ROBO2: variants seen among roughly 807,000 people sequenced by gnomAD.
ROBO2 encodes roundabout homolog 2.
In ROBO2, 53 loss-of-function variants were observed where a neutral mutation model predicts 160.8. The observed-to-expected ratio is 0.33, with a 90% CI of 0.26 to 0.41. The LOEUF (loss-of-function observed/expected upper bound fraction) is 0.41, where lower values mean the gene tolerates loss of function less well. Ranked by LOEUF, ROBO2 falls within the 10% of genes least tolerant of loss-of-function variation. ROBO2 has a pLI of 1.00. For missense variants in ROBO2, 1,577 were observed against 1,722.4 expected (o/e 0.92, Z 1.49); for synonymous variants, 664 against 611.7 (o/e 1.09, Z -1.26).
At chr3:76,042,324 G>C (rs533155461) in intron 2 of ROBO2, among the ~76,000 whole-genome samples, 2 of 152,006 alleles carry the variant, frequency 1.3e-5, no homozygotes, top group Non-Finnish European at 2.9e-5. Context: ...AGTAGTAGAT[G>C]TTTCCAGGTG....
chr3:75,971,948 T>G (rs967454660), intron 2 of ROBO2, among the ~76,000 whole-genome samples: 1 of 151,662 alleles, frequency 6.6e-6, no homozygotes, highest in Admixed American at 6.6e-5. Context: ...TTGTTATTTT[T>G]ATTGGTTATG....
At chr3:76,783,768 T>A (rs898996750) in intron 2 of ROBO2, among the ~76,000 whole-genome samples, 2 of 150,948 alleles carry the variant, frequency 1.3e-5, no homozygotes, top group Admixed American at 1.3e-4. Flanking sequence ...ATATTTAGAT[T>A]TGGGGAGTTT....
chr3:76,141,136 T>G (rs2071630738), intron 2 of ROBO2, among the ~76,000 whole-genome samples: 1 of 58,598 alleles, frequency 1.7e-5, no homozygotes, highest in African/African-American at 7.1e-5. Flanking sequence ...TCTCTCTCTC[T>G]CTCTCTCTCT....
At chr3:76,447,039 A>G (rs1559961190) in intron 2 of ROBO2, among the ~76,000 whole-genome samples, 1 of 152,222 alleles carries the variant, frequency 6.6e-6, no homozygotes, top group Non-Finnish European at 1.5e-5. Context: ...AAATTGACAG[A>G]TGGGATCTAA....
intron 2 of ROBO2, among the ~76,000 whole-genome samples, chr3:76,883,595 A>T (rs2073582387): frequency 6.6e-6 from 1 of 152,212 alleles, no homozygotes; most frequent in Non-Finnish European, 1.5e-5. Context: ...ATCACACTGT[A>T]GAAGACAGTA....
At chr3:77,017,834 C>CT (rs2062373638) in intron 2 of ROBO2, among the ~76,000 whole-genome samples, 1 of 151,460 alleles carries the variant, frequency 6.6e-6, no homozygotes, top group East Asian at 1.9e-4. Context: ...TTTGTTTTTG[C>CT]TTTTTATTTA....
Position 76,975,665 on chromosome 3 carries a change from C to T in ROBO2, c.110-122349C>T, listed in dbSNP as rs375194652. Among the ~76,000 whole-genome samples, 182 of 152,062 alleles carry T rather than the reference C, an allele frequency of 1.2e-3. 1 individual carries two copies. The highest frequency in any genetic ancestry group is 4.0e-3 in the African/African-American group (167 of 41,480). On this transcript the variant is annotated intron_variant, in intron 2 of 26. Transcript: ENST00000487694. ...CTTTTGAAGGAAAGTATAATTCTTC[C>T]CCTGAGAAACATAAGTCTTCTAATT...
At position 76,248,899 on chromosome 3, in the gene ROBO2, G is replaced by A. The variant is rs1490220064; in HGVS notation, c.109+311297G>A. On this transcript the variant is annotated intron_variant, in intron 2 of 26. Coordinates refer to the ROBO2 transcript ENST00000487694. The stretch of plus-strand genomic sequence containing the variant: ...ACCTGAGTCTCTGCTGTTTACCAAA[G>A]TCTGTGCTGTTTACGCTGGTACTAG... Among the ~76,000 whole-genome samples, 5 of 147,326 alleles carry A rather than the reference G, an allele frequency of 3.4e-5. No homozygotes were observed. The Admixed American group carries it at 3.6e-4, about 11-fold the overall frequency.
At chr3:76,809,682 T>C (rs1484591046) in intron 2 of ROBO2, among the ~76,000 whole-genome samples, 2 of 152,134 alleles carry the variant, frequency 1.3e-5, no homozygotes, top group Non-Finnish European at 2.9e-5. Context: ...CCTTCTAACC[T>C]TATTTGTGGC....
intron 2 of ROBO2, among the ~76,000 whole-genome samples, chr3:76,769,121 A>G (rs1326623182): frequency 6.6e-6 from 1 of 151,488 alleles, no homozygotes; most frequent in Non-Finnish European, 1.5e-5. Flanking sequence ...TAGCAACCAC[A>G]CAAGTTTCCT....
intron 2 of ROBO2, among the ~76,000 whole-genome samples, chr3:77,201,394 T>A (rs1294717296): frequency 2.0e-5 from 3 of 152,348 alleles, no homozygotes; most frequent in South Asian, 2.1e-4. Flanking sequence ...CAGCGATTTG[T>A]GCTTAACTGG....
chr3:76,504,352 A>G (rs980732399), intron 2 of ROBO2, among the ~76,000 whole-genome samples: 1 of 152,192 alleles, frequency 6.6e-6, no homozygotes, highest in Admixed American at 6.5e-5. Flanking sequence ...AAAATGATGC[A>G]GAAAGCAACG....
chr3:76,052,789 C>T (rs1228444409), intron 2 of ROBO2, among the ~76,000 whole-genome samples: 1 of 151,960 alleles, frequency 6.6e-6, no homozygotes, highest in African/African-American at 2.4e-5. Context: ...ACTGAACAAT[C>T]TCTTTGTAAG....
At chr3:77,146,982 A>T (rs1015945074) in intron 2 of ROBO2, among the ~76,000 whole-genome samples, 3 of 152,126 alleles carry the variant, frequency 2.0e-5, no homozygotes, top group African/African-American at 4.8e-5. Context: ...ACAAAAAACA[A>T]AACAAAACAA....
rs982912843 is a variant in ROBO2, at chr3:77,596,666, C to G, written c.2770C>G (p.Leu924Val). Residue 924 changes from leucine (L) to valine (V), a missense_variant, in exon 19 of 26, where the codon CTT (leucine) becomes GTT (valine). Physicochemically the swap from Leu to Val is conservative, Grantham distance 32. This residue lies in a region of ROBO2 where 637 missense variants were observed against 586.9 expected (regional missense o/e 1.09). Coordinates refer to ENST00000461745, the Ensembl canonical transcript of ROBO2. ...TGCTGGTGATCCCAGCTATCCATGG[C>G]TTGCTGATTCTTGGCCAGCCACGAG... 1.9e-6 allele frequency: 3 copies of G among 1,613,824 alleles called. No homozygotes were observed. The African/African-American group carries it at 4.0e-5, about 22-fold the overall frequency.
chr3:77,557,962 C>G (rs2153658638), exon 9 of ROBO2: 1 of 1,612,904 alleles, frequency 6.2e-7, no homozygotes, highest in East Asian at 2.2e-5. Context: ...GATAGACCTC[C>G]ACCTATAATT....
intron 2 of ROBO2, among the ~76,000 whole-genome samples, chr3:76,623,866 C>A (rs1418229293): frequency 1.3e-5 from 2 of 152,100 alleles, no homozygotes; most frequent in African/African-American, 4.8e-5. Context: ...TTGTACAGTA[C>A]AACTGGGTGA....
At chr3:76,164,925 C>G (rs1369742578) in intron 2 of ROBO2, among the ~76,000 whole-genome samples, 1 of 152,164 alleles carries the variant, frequency 6.6e-6, no homozygotes, top group Non-Finnish European at 1.5e-5. Flanking sequence ...CAATTCAAAG[C>G]CAAGCTAGGA....
chr3:77,161,137 T>C (rs1313244605), intron 2 of ROBO2, among the ~76,000 whole-genome samples: 1 of 152,198 alleles, frequency 6.6e-6, no homozygotes, highest in African/African-American at 2.4e-5. Flanking sequence ...CAATGGAGCA[T>C]GACTGCCTAG....
Sources: gnomAD v4.1 joint callset for allele counts (sites outside exome capture counted in the v4.1 genomes callset) on GRCh38, gnomAD v4.1.1 for gene constraint, gnomAD v4.1.1 regional missense constraint, MANE v1.5 for transcripts, NCBI Gene and HGNC (gene_info 2026-07-23, HGNC 2026-07-21) for gene names.